DEPDC1B: variants seen among roughly 807,000 people sequenced by gnomAD.
DEPDC1B encodes the protein DEP domain-containing protein 1B.
DEPDC1B carries 51 observed loss-of-function variants against 66.5 expected under a neutral mutation model. The ratio of observed to expected loss-of-function variants is 0.77; its 90% CI spans 0.61 to 0.97. The LOEUF (loss-of-function observed/expected upper bound fraction) is 0.97, where lower values mean the gene tolerates loss of function less well. Ranked by LOEUF, DEPDC1B falls within the 50% of genes least tolerant of loss-of-function variation. DEPDC1B has a pLI of 0.00. For synonymous variants in DEPDC1B, 226 were observed against 223.6 expected, an observed-to-expected ratio of 1.01 and a Z score of -0.10; for missense variants, 552 against 637.1, an observed-to-expected ratio of 0.87 and a Z score of 1.44.
At chr5:60,606,262 A>G (rs1752307059) in intron 7 of DEPDC1B, among the ~76,000 whole-genome samples, 1 of 152,150 alleles carries the variant, frequency 6.6e-6, no homozygotes, top group Non-Finnish European at 1.5e-5. Flanking sequence ...TTATTTCCTC[A>G]TTATCAGCAG....
At chr5:60,632,492 C>T (rs1007822834) in intron 7 of DEPDC1B, among the ~76,000 whole-genome samples, 3 of 152,232 alleles carry the variant, frequency 2.0e-5, no homozygotes, top group Admixed American at 6.5e-5. Context: ...AAGTCAGGCC[C>T]AGCGGCCACA....
At chr5:60,700,010 C>T (rs1754749850) in intron 1 of DEPDC1B, 36 bp downstream of exon 1, 4 of 1,547,094 alleles carry the variant, frequency 2.6e-6, no homozygotes, top group Non-Finnish European at 2.6e-6. Flanking sequence ...CTCGCGGCAC[C>T]GGGTGCTCCG....
chr5:60,598,207 C>T (rs902185193), intron 10 of DEPDC1B, among the ~76,000 whole-genome samples: 10 of 152,146 alleles, frequency 6.6e-5, no homozygotes, highest in African/African-American at 1.9e-4. Flanking sequence ...TTCTGTTCTA[C>T]ACAGTTAAAT....
intron 4 of DEPDC1B, 28 bp from the exon 5 acceptor site, chr5:60,644,903 G>T (rs755678171): frequency 6.0e-6 from 9 of 1,510,684 alleles, no homozygotes; most frequent in Non-Finnish European, 8.1e-6. Context: ...ATATTAATTA[G>T]TTCTGTCTTT....
chr5:60,637,301 A>G (rs1432457216), intron 7 of DEPDC1B, among the ~76,000 whole-genome samples: 2 of 152,108 alleles, frequency 1.3e-5, no homozygotes, highest in African/African-American at 4.8e-5. Context: ...CACTGTTGCA[A>G]CTGTGAGTTC....
chr5:60,599,262 T>C lies in DEPDC1B; in HGVS notation c.1243-2A>G. ...CATATCAGCTCCTGGGTATTTTATCTGAGGCAAAAGGATTAGTAGTGAAAG... is the reference window on the plus strand; with the variant it reads ...CATATCAGCTCCTGGGTATTTTATCCGAGGCAAAAGGATTAGTAGTGAAAG... On this transcript the variant is annotated splice_acceptor_variant, in intron 9 of 10. Coordinates refer to ENST00000265036, the MANE Select transcript of DEPDC1B (RefSeq NM_018369.3). LOFTEE classifies it high-confidence loss of function. 1 of 1,589,132 alleles carries C rather than the reference T, an allele frequency of 6.3e-7. No individual in the cohort carries two copies. Among genetic ancestry groups the C allele is most frequent in the South Asian group, 1.2e-5 (1 of 85,720 alleles).
chr5:60,626,652 T>C (rs1301764914), intron 7 of DEPDC1B, among the ~76,000 whole-genome samples: 2 of 152,184 alleles, frequency 1.3e-5, no homozygotes, highest in East Asian at 3.8e-4. Context: ...ACAAAAAGTT[T>C]ACGAAAATAC....
intron 2 of DEPDC1B, among the ~76,000 whole-genome samples, chr5:60,682,163 C>T (rs999796144): frequency 1.3e-5 from 2 of 152,186 alleles, no homozygotes; most frequent in African/African-American, 4.8e-5. Context: ...GGCACATATA[C>T]ACCATGGAAT....
chr5:60,679,613 A>G (rs1206900429), intron 2 of DEPDC1B, among the ~76,000 whole-genome samples: 1 of 152,158 alleles, frequency 6.6e-6, no homozygotes, highest in East Asian at 1.9e-4. Flanking sequence ...TGGTCCCTAC[A>G]TGTTAGATCT....
intron 1 of DEPDC1B, among the ~76,000 whole-genome samples, chr5:60,696,151 G>GAA (rs1754649255): frequency 6.6e-6 from 1 of 152,024 alleles, no homozygotes; most frequent in Non-Finnish European, 1.5e-5. Flanking sequence ...ACTTTTTTCA[G>GAA]TTCTCAGAAT....
intron 7 of DEPDC1B, among the ~76,000 whole-genome samples, chr5:60,606,609 CAAAAAAAAA>C (rs60544270): frequency 2.8e-4 from 13 of 46,626 alleles, no homozygotes; most frequent in Admixed American, 8.4e-4. Flanking sequence ...CCCATTTCTA[CAAAAAAAAA>C]AAAAAAAAAA....
chr5:60,623,155 A>G (rs1486089392), intron 7 of DEPDC1B, among the ~76,000 whole-genome samples: 1 of 152,126 alleles, frequency 6.6e-6, no homozygotes, highest in Non-Finnish European at 1.5e-5. Flanking sequence ...TCCAAAGTAA[A>G]ATTTGAGTGC....
At chr5:60,698,896 C>A (rs546277418) in intron 1 of DEPDC1B, among the ~76,000 whole-genome samples, 2 of 152,220 alleles carry the variant, frequency 1.3e-5, no homozygotes, top group African/African-American at 4.8e-5. Context: ...GAACTCCTGA[C>A]CTCAAGCGAT....
intron 1 of DEPDC1B, 100 bp downstream of exon 1, chr5:60,699,946 C>T: frequency 2.1e-6 from 3 of 1,419,796 alleles, no homozygotes; most frequent in Non-Finnish European, 2.9e-6. Flanking sequence ...CCGAGCCCCG[C>T]TGGCCTGCGG....
intron 3 of DEPDC1B, 104 bp downstream of exon 3, chr5:60,647,294 C>T (rs1753341167): frequency 7.1e-7 from 1 of 1,410,934 alleles, no homozygotes; most frequent in Non-Finnish European, 9.3e-7. Flanking sequence ...TTTAAAGTAC[C>T]TTTAAATTAT....
chr5:60,644,971 A>G (rs1375230970), intron 4 of DEPDC1B, 96 bp from the exon 5 acceptor site: 1 of 906,046 alleles, frequency 1.1e-6, no homozygotes, highest in African/African-American at 1.7e-5. Context: ...ATAATGCTTT[A>G]TTTTCATGCA....
At chr5:60,684,443 T>C (rs990504514) in intron 2 of DEPDC1B, among the ~76,000 whole-genome samples, 4 of 152,140 alleles carry the variant, frequency 2.6e-5, no homozygotes, top group Non-Finnish European at 1.5e-5. Context: ...AATAAATCCA[T>C]GTGTTTACAA....
intron 9 of DEPDC1B, among the ~76,000 whole-genome samples, chr5:60,601,300 G>T (rs1467759651): frequency 6.6e-6 from 1 of 152,146 alleles, no homozygotes; most frequent in Non-Finnish European, 1.5e-5. Context: ...AAAAATATCA[G>T]AGGAAAAAAT....
intron 9 of DEPDC1B, 50 bp downstream of exon 9, chr5:60,603,341 G>A (rs779736398): frequency 5.6e-6 from 8 of 1,437,090 alleles, no homozygotes; most frequent in East Asian, 2.5e-5. Flanking sequence ...GCAAGCTTAC[G>A]TGACTTTATA....
Sources: gnomAD v4.1 joint callset for allele counts (sites outside exome capture counted in the v4.1 genomes callset) on GRCh38, gnomAD v4.1.1 for gene constraint, MANE v1.5 for transcripts, NCBI Gene and HGNC (gene_info 2026-07-23, HGNC 2026-07-21) for gene names.